CDH9: variants seen among roughly 807,000 people sequenced by gnomAD.
CDH9 encodes cadherin 9.
Under a neutral mutation model 70.9 loss-of-function variants are expected in CDH9, and 28 were observed. That is an observed-to-expected ratio of 0.40 (90% CI 0.29 to 0.54). The LOEUF (loss-of-function observed/expected upper bound fraction) is 0.54. Ranked by LOEUF, CDH9 falls within the 20% of genes least tolerant of loss-of-function variation. The pLI, the probability that CDH9 is intolerant of heterozygous loss-of-function variation, is 0.59. For missense variants in CDH9, 874 were observed against 984.4 expected (o/e 0.89, Z 1.50); for synonymous variants, 409 against 343.1 (o/e 1.19, Z -2.12).
At chr5:26,970,749 T>C (rs1742204627) in intron 2 of CDH9, among the ~76,000 whole-genome samples, 1 of 146,070 alleles carries the variant, frequency 6.8e-6, no homozygotes, top group Admixed American at 6.6e-5. Flanking sequence ...AGACCTCATT[T>C]ATTTTCTTAA....
chr5:26,994,400 G>A (rs571233156), intron 1 of CDH9, among the ~76,000 whole-genome samples: 10 of 152,198 alleles, frequency 6.6e-5, no homozygotes, highest in African/African-American at 2.4e-4. Context: ...GATAGTATTA[G>A]GAGGTGGGGC....
intron 3 of CDH9, among the ~76,000 whole-genome samples, chr5:26,908,637 ATT>A (rs1406348615): frequency 6.6e-6 from 1 of 152,132 alleles, no homozygotes; most frequent in Admixed American, 6.5e-5. Context: ...AATTTCGATT[ATT>A]AGCTCTATTA....
At chr5:26,916,463 G>A (rs540031365) in intron 2 of CDH9, among the ~76,000 whole-genome samples, 22 of 151,950 alleles carry the variant, frequency 1.4e-4, no homozygotes, top group African/African-American at 4.8e-4. Flanking sequence ...GGAGTGTACC[G>A]AAACCTGTAT....
At chr5:27,029,944 C>T (rs1026839564) in intron 1 of CDH9, among the ~76,000 whole-genome samples, 2 of 151,946 alleles carry the variant, frequency 1.3e-5, no homozygotes, top group Non-Finnish European at 2.9e-5. Context: ...AATTATGGGG[C>T]TCCCGAGGCC....
At chr5:26,890,387 ATGAAAGACAGTGTC>A (rs1740636056) in intron 8 of CDH9, 27 bp downstream of exon 8, 1 of 1,579,306 alleles carries the variant, frequency 6.3e-7, no homozygotes, top group Non-Finnish European at 8.7e-7. Flanking sequence ...TACCACTTTG[ATGAAAGACAGTGTC>A]TTCGGGTAGA....
chr5:26,936,805 C>A (rs2112030442), intron 2 of CDH9, among the ~76,000 whole-genome samples: 1 of 152,002 alleles, frequency 6.6e-6, no homozygotes, highest in Middle Eastern at 3.4e-3. Context: ...TTATTCTGGA[C>A]ACTGGGCATC....
chr5:27,017,591 G>A (rs570360957), intron 1 of CDH9, among the ~76,000 whole-genome samples: 1 of 151,910 alleles, frequency 6.6e-6, no homozygotes, highest in African/African-American at 2.4e-5. Flanking sequence ...GTGTTTGTTT[G>A]TTTGTTTTAG....
At chr5:26,926,829 A>C (rs570807307) in intron 2 of CDH9, among the ~76,000 whole-genome samples, 1 of 152,100 alleles carries the variant, frequency 6.6e-6, no homozygotes, top group South Asian at 2.1e-4. Context: ...AACCTGACAA[A>C]AACAAGAAAT....
chr5:27,013,293 A>G (rs1742989354), intron 1 of CDH9, among the ~76,000 whole-genome samples: 1 of 151,898 alleles, frequency 6.6e-6, no homozygotes, highest in African/African-American at 2.4e-5. Flanking sequence ...ACATTTGTAA[A>G]AGTTTTCTCC....
At chr5:27,010,512 T>C (rs1742938006) in intron 1 of CDH9, among the ~76,000 whole-genome samples, 1 of 152,146 alleles carries the variant, frequency 6.6e-6, no homozygotes, top group Admixed American at 6.6e-5. Context: ...ATCCCTTTCT[T>C]ACAGTACTTT....
At chr5:26,896,939 A>G (rs757574900) in intron 7 of CDH9, among the ~76,000 whole-genome samples, 57 of 152,210 alleles carry the variant, frequency 3.7e-4, no homozygotes, top group Admixed American at 9.2e-4. Flanking sequence ...AATAAAGAAG[A>G]AAAGAGAGAA....
intron 1 of CDH9, among the ~76,000 whole-genome samples, chr5:27,001,602 C>G (rs914942247): frequency 6.6e-6 from 1 of 151,970 alleles, no homozygotes; most frequent in Non-Finnish European, 1.5e-5. Context: ...TATATTTACA[C>G]AAGTTAGTAT....
At chr5:27,008,385 G>T (rs1313585703) in intron 1 of CDH9, among the ~76,000 whole-genome samples, 1 of 151,806 alleles carries the variant, frequency 6.6e-6, no homozygotes, top group Non-Finnish European at 1.5e-5. Flanking sequence ...AGCTACTTGA[G>T]AGGCTAAGTC....
chr5:26,965,354 T>C (rs1432696468), intron 2 of CDH9, among the ~76,000 whole-genome samples: 1 of 151,978 alleles, frequency 6.6e-6, no homozygotes, highest in African/African-American at 2.4e-5. Context: ...GGTGGGCAGA[T>C]TACCTGAGGT....
intron 1 of CDH9, among the ~76,000 whole-genome samples, chr5:27,018,200 C>T (rs1743078750): frequency 6.6e-6 from 1 of 151,550 alleles, no homozygotes; most frequent in South Asian, 2.1e-4. Flanking sequence ...AATTGAAAAG[C>T]CATTTAAACT....
chr5:26,991,743 G>A (rs1187523709), intron 1 of CDH9, among the ~76,000 whole-genome samples: 3 of 151,990 alleles, frequency 2.0e-5, no homozygotes, highest in Admixed American at 2.0e-4. Context: ...ATAAAAATAA[G>A]GTGTAACTTC....
intron 2 of CDH9, among the ~76,000 whole-genome samples, chr5:26,952,745 G>A (rs1374363581): frequency 6.6e-6 from 1 of 151,082 alleles, no homozygotes; most frequent in African/African-American, 2.4e-5. Flanking sequence ...ATCCACTCAT[G>A]GATTAATGGA....
chr5:26,913,996 C>T (rs1045881250), intron 3 of CDH9, among the ~76,000 whole-genome samples: 1 of 151,940 alleles, frequency 6.6e-6, no homozygotes, highest in East Asian at 1.9e-4. Flanking sequence ...TCAATAGTCT[C>T]TGATAGGGAA....
At chr5:27,027,026 C>A (rs980343152) in intron 1 of CDH9, among the ~76,000 whole-genome samples, 2 of 151,832 alleles carry the variant, frequency 1.3e-5, no homozygotes, top group Non-Finnish European at 2.9e-5. Context: ...GATTAAAAAA[C>A]CAAACTCAAA....
Sources: gnomAD v4.1 joint callset for allele counts (sites outside exome capture counted in the v4.1 genomes callset) on GRCh38, gnomAD v4.1.1 for gene constraint, MANE v1.5 for transcripts, NCBI Gene and HGNC (gene_info 2026-07-23, HGNC 2026-07-21) for gene names.